Variants in FMN2 observed in about 807,000 individuals in gnomAD.
FMN2 encodes formin-2.
In FMN2, 51 loss-of-function variants were observed where a neutral mutation model predicts 142.3. The ratio of observed to expected loss-of-function variants is 0.36; its 90% confidence interval spans 0.29 to 0.45. The LOEUF (loss-of-function observed/expected upper bound fraction) is 0.45, where lower values mean the gene tolerates loss of function less well. Ranked by LOEUF, FMN2 falls within the 20% of genes least tolerant of loss-of-function variation. The probability of loss-of-function intolerance (pLI) is 1.00; values close to 1 mark genes in which losing one functional copy is unlikely to be tolerated. For synonymous variants in FMN2, 882 were observed against 869.8 expected, an observed-to-expected ratio of 1.01 and a Z score of -0.25; for missense variants, 1,936 against 2,122.8, an observed-to-expected ratio of 0.91 and a Z score of 1.73.
At chr1:240,185,230 A>G (rs1017553597) in intron 3 of FMN2, among the ~76,000 whole-genome samples, 4 of 135,832 alleles carry the variant, frequency 2.9e-5, no homozygotes, top group Admixed American at 2.2e-4. Flanking sequence ...TTTATTCTGT[A>G]TTGTTTTCTT....
intron 6 of FMN2, among the ~76,000 whole-genome samples, chr1:240,248,458 T>TATAA (rs913505236): frequency 1.5e-5 from 2 of 133,558 alleles, no homozygotes; most frequent in Non-Finnish European, 3.2e-5. Flanking sequence ...TATATATATA[T>TATAA]AACATACATG....
At chr1:240,098,097 A>ATTATTTTTTTTTTTTTTTTTTT (rs1661278297) in intron 1 of FMN2, among the ~76,000 whole-genome samples, 1 of 98,690 alleles carries the variant, frequency 1.0e-5, no homozygotes, top group Non-Finnish European at 1.9e-5. Context: ...GTTATCTTGA[A>ATTATTTTTTTTTTTTTTTTTTT]TTTTTTTTTT....
intron 15 of FMN2, among the ~76,000 whole-genome samples, chr1:240,410,893 A>G (rs1674365017): frequency 6.6e-6 from 1 of 152,138 alleles, no homozygotes. Context: ...CTCCTGCCCT[A>G]GCCAACCCTA....
chr1:240,225,601 G>A lies in FMN2; in HGVS notation c.4065+14366G>A, dbSNP rs181480299. ...GCAGGGAAGGGAAAAATCAATATCT[G>A]GAATTGATAAAATATAATGCGTGAA... On this transcript the variant is annotated intron_variant, in intron 6 of 17. Transcript: ENST00000319653. Among the ~76,000 whole-genome samples, 421 of 152,218 alleles carry A rather than the reference G, an allele frequency of 2.8e-3. 3 individuals are homozygous for A. Among genetic ancestry groups the A allele is most frequent in the South Asian group, 0.027 (132 of 4,824 alleles).
At chr1:240,100,995 A>T (rs1255106915) in intron 1 of FMN2, among the ~76,000 whole-genome samples, 1 of 152,178 alleles carries the variant, frequency 6.6e-6, no homozygotes, top group African/African-American at 2.4e-5. Flanking sequence ...ACAGGAAGAA[A>T]TTCTGTGTCA....
At position 240,217,532 on chromosome 1, in the gene FMN2, A is replaced by G. The variant is rs113829008; in HGVS notation, c.4065+6297A>G. Among the ~76,000 whole-genome samples, 255 of 152,346 alleles carry G rather than the reference A, an allele frequency of 1.7e-3. 3 individuals carry two copies. Among genetic ancestry groups the G allele is most frequent in the African/African-American group, 5.6e-3 (232 of 41,582 alleles). The stretch of plus-strand genomic sequence containing the variant: ...TTTGTAACTTTTAACATCTGCTTTT[A>G]ATAGAATACATTCCTATTGCAAGCC... On this transcript the variant is annotated intron_variant, in intron 6 of 17. Coordinates refer to ENST00000319653, the MANE Select transcript of FMN2 (RefSeq NM_020066.5).
At chr1:240,332,237 A>G (rs1052214734) in intron 11 of FMN2, among the ~76,000 whole-genome samples, 2 of 150,096 alleles carry the variant, frequency 1.3e-5, no homozygotes, top group African/African-American at 2.5e-5. Context: ...AGTATCTACT[A>G]TAGAGAGCTG....
At chr1:240,273,808 ACT>A (rs1230699016) in intron 7 of FMN2, among the ~76,000 whole-genome samples, 2 of 152,066 alleles carry the variant, frequency 1.3e-5, no homozygotes, top group African/African-American at 4.8e-5. Flanking sequence ...GATTCAGGTG[ACT>A]CTCAGGTGTT....
In FMN2 at chr1:240,092,385, C is replaced by T. The variant is rs145799385; in HGVS notation, c.276C>T (p.Gly92=). The change falls in exon 1 of 18, where the codon GGC becomes GGT. Residue 92 remains glycine, a synonymous_variant. Transcript: ENST00000319653. ...TGTCCAAGGGGAAAGGCGCCGGCGG[C>T]TCCCGCGAAGATGTACTGGATTCCC... ...KNLSKGKGAG[G]SREDVLDSQA... The T allele has an allele frequency of 1.2e-6, 2 of 1,612,426 alleles. No homozygotes were observed. Among genetic ancestry groups the T allele is most frequent in the African/African-American group, 1.3e-5 (1 of 74,876 alleles).
intron 8 of FMN2, among the ~76,000 whole-genome samples, chr1:240,307,443 G>A (rs989290989): frequency 4.1e-4 from 62 of 152,020 alleles, no homozygotes; most frequent in African/African-American, 1.5e-3. Context: ...GTAGTGGTCC[G>A]GTTTCATTCT....
At chr1:240,348,017 G>C (rs1208394179) in intron 13 of FMN2, among the ~76,000 whole-genome samples, 1 of 152,164 alleles carries the variant, frequency 6.6e-6, no homozygotes, top group Non-Finnish European at 1.5e-5. Context: ...ACAAATGCAT[G>C]TGTTCTTTTG....
chr1:240,151,080 T>C (rs1367319181), intron 2 of FMN2, among the ~76,000 whole-genome samples: 1 of 152,222 alleles, frequency 6.6e-6, no homozygotes, highest in Non-Finnish European at 1.5e-5. Flanking sequence ...TAAGTCCCAA[T>C]TGTTATGTTG....
At chr1:240,159,931 ATTTG>A (rs375194928) in intron 2 of FMN2, among the ~76,000 whole-genome samples, 1 of 126,440 alleles carries the variant, frequency 7.9e-6, no homozygotes, top group South Asian at 2.7e-4. Flanking sequence ...ATATATATAT[ATTTG>A]TGTATATATA....
chr1:240,094,234 A>G (rs571393094), intron 1 of FMN2, among the ~76,000 whole-genome samples: 168 of 152,268 alleles, frequency 1.1e-3, no homozygotes, highest in Non-Finnish European at 2.1e-4. Flanking sequence ...TTTGGTATGT[A>G]TGTGATATGT....
chr1:240,183,498 T>C (rs1665238854), intron 3 of FMN2, among the ~76,000 whole-genome samples: 1 of 148,506 alleles, frequency 6.7e-6, no homozygotes, highest in Non-Finnish European at 1.5e-5. Context: ...AATTAGATAA[T>C]ATATTGAATA....
intron 4 of FMN2, among the ~76,000 whole-genome samples, chr1:240,197,326 T>A (rs1665953442): frequency 6.6e-6 from 1 of 152,198 alleles, no homozygotes; most frequent in Non-Finnish European, 1.5e-5. Context: ...TTCATCTGCA[T>A]CCTTTGTAAC....
chr1:240,151,842 C>G (rs935022649), intron 2 of FMN2, among the ~76,000 whole-genome samples: 3 of 152,126 alleles, frequency 2.0e-5, no homozygotes, highest in Admixed American at 2.0e-4. Flanking sequence ...TCATAGCTCA[C>G]TGCAGCCACA....
chr1:240,124,690 C>T (rs1338939419), intron 2 of FMN2, among the ~76,000 whole-genome samples: 8 of 151,668 alleles, frequency 5.3e-5, no homozygotes, highest in South Asian at 2.1e-4. Context: ...TTTTTTGAGA[C>T]GTAGTCTCAC....
At chr1:240,258,824 A>C (rs2102899100) in intron 7 of FMN2, among the ~76,000 whole-genome samples, 1 of 152,338 alleles carries the variant, frequency 6.6e-6, no homozygotes, top group African/African-American at 2.4e-5. Flanking sequence ...CTAGAACCTA[A>C]GAATAGATTT....
Sources: gnomAD v4.1 joint callset for allele counts (sites outside exome capture counted in the v4.1 genomes callset) on GRCh38, gnomAD v4.1.1 for gene constraint, MANE v1.5 for transcripts, NCBI Gene and HGNC (gene_info 2026-07-23, HGNC 2026-07-21) for gene names.